The following CHD6 variants were observed in gnomAD, a reference collection of about 807,000 sequenced individuals.
The protein encoded by CHD6 is chromodomain helicase DNA binding protein 6.
CHD6 carries 50 observed loss-of-function variants against 276.9 expected under a neutral mutation model. That is an observed-to-expected ratio of 0.18 (90% CI 0.14 to 0.23). CHD6 has a LOEUF of 0.23. Ranked by LOEUF, CHD6 falls within the 10% of genes least tolerant of loss-of-function variation. The pLI, the probability that CHD6 is intolerant of heterozygous loss-of-function variation, is 1.00. For synonymous variants in CHD6, 1,173 were observed against 1,229.3 expected (o/e 0.95, Z 0.96); for missense variants, 2,564 against 3,365.8 (o/e 0.76, Z 5.89).
chr20:41,465,745 A>C (rs1455532472), intron 17 of CHD6, among the ~76,000 whole-genome samples: 1 of 152,200 alleles, frequency 6.6e-6, no homozygotes, highest in Non-Finnish European at 1.5e-5. Flanking sequence ...AATTCTACAT[A>C]ATTTTTGCAA....
rs749572987 is a variant in CHD6 at position 41,413,408 on chromosome 20, G to T, written c.7047C>A (p.Ala2349=). 1.9e-6 allele frequency: 3 copies of T among 1,612,014 alleles called. No individual in the cohort carries two copies. Among genetic ancestry groups the T allele is most frequent in the Non-Finnish European group, 2.5e-6 (3 of 1,179,960 alleles). The change falls in exon 35 of 37, where the codon GCC becomes GCA. Residue 2349 remains alanine (A), a synonymous_variant. Coordinates refer to ENST00000373233, the MANE Select transcript of CHD6 (RefSeq NM_032221.5). ...GACTCTTGCTGGGAATGGATTTCTCGGCTTGGCTGCTGGCTGCCGTAGCTG... is the reference window on the plus strand; with the variant it reads ...GACTCTTGCTGGGAATGGATTTCTCTGCTTGGCTGCTGGCTGCCGTAGCTG... ...PEPATAASSQ[A]EKSIPSKSLL...
Position 41,452,202 on chromosome 20 carries a change from G to C in CHD6, c.3324-177C>G, listed in dbSNP as rs559479620. Among the ~76,000 whole-genome samples the C allele has an allele frequency of 6.6e-6, 1 of 152,194 alleles. No homozygotes were observed. Among genetic ancestry groups the C allele is most frequent in the Non-Finnish European group, 1.5e-5 (1 of 68,026 alleles). Reference sequence around the variant, plus strand: ...GAGGACCACCTGACTGTAGCACACCGAATATCACTAAAGTGACCTGGACGT... The same window carrying C: ...GAGGACCACCTGACTGTAGCACACCCAATATCACTAAAGTGACCTGGACGT... On this transcript the variant is annotated intron_variant, in intron 21 of 36. Transcript: ENST00000373233. This position sits in a 1 kb window ranked among gnomAD's most constrained non-coding sequence, Gnocchi z 4.2.
At chr20:41,496,632 CGTCA>C (rs1298730970) in intron 8 of CHD6, among the ~76,000 whole-genome samples, 2 of 152,176 alleles carry the variant, frequency 1.3e-5, no homozygotes, top group Non-Finnish European at 2.9e-5. Flanking sequence ...TTGAACTACT[CGTCA>C]GTATTATTCC....
intron 5 of CHD6, 25 bp from the exon 6 acceptor site, chr20:41,499,382 G>T (rs546649612): frequency 1.3e-6 from 2 of 1,506,522 alleles, no homozygotes; most frequent in East Asian, 2.4e-5. Context: ...AAAAAAAAAA[G>T]AAAATTGCTG....
Position 41,447,891 on chromosome 20 carries a change from G to A in CHD6, c.3764C>T (p.Ser1255Phe), listed in dbSNP as rs1378536984. 1 of 1,607,298 alleles carries A rather than the reference G, an allele frequency of 6.2e-7. No individual in the cohort carries two copies. Among genetic ancestry groups the A allele is most frequent in the Admixed American group, 1.7e-5 (1 of 59,254 alleles). The change falls in exon 24 of 37, where the codon TCT becomes TTT. Residue 1255 changes from serine to phenylalanine, a missense_variant. Physicochemically the swap from Ser to Phe is radical, Grantham distance 155 (BLOSUM62 -2). Transcript: ENST00000373233. ...GEAAEKAFEG[S>F]PARELDVPLP... ...GTTTCATTTGCTTTACCTGGCAGGA[G>A]ATCCTTCAAATGCTTTCTCAGCTGC...
chr20:41,606,932 C>A (rs886489715), intron 1 of CHD6, among the ~76,000 whole-genome samples: 4 of 152,308 alleles, frequency 2.6e-5, no homozygotes, highest in African/African-American at 4.8e-5. Context: ...ACTCAACCAA[C>A]CTCTGCTGCT....
At chr20:41,466,668 T>C (rs2042927271) in intron 17 of CHD6, among the ~76,000 whole-genome samples, 1 of 152,152 alleles carries the variant, frequency 6.6e-6, no homozygotes, top group South Asian at 2.1e-4. Flanking sequence ...TTCTGGCTCA[T>C]ATGGTGTTGA....
intron 25 of CHD6, among the ~76,000 whole-genome samples, chr20:41,444,817 T>C (rs544808785): frequency 1.2e-4 from 18 of 152,288 alleles, no homozygotes; most frequent in African/African-American, 3.4e-4. Context: ...ACCTCCTCCA[T>C]TGTATAAGTG....
At chr20:41,577,416 G>A (rs1308136736) in intron 1 of CHD6, among the ~76,000 whole-genome samples, 1 of 152,192 alleles carries the variant, frequency 6.6e-6, no homozygotes, top group Non-Finnish European at 1.5e-5. Flanking sequence ...ACCTCAAGCT[G>A]TCTGCTACGT....
At chr20:41,511,480 T>C (rs1487848599) in intron 5 of CHD6, among the ~76,000 whole-genome samples, 4 of 152,240 alleles carry the variant, frequency 2.6e-5, no homozygotes, top group Non-Finnish European at 4.4e-5. Flanking sequence ...GCTAATACTA[T>C]CATCTTCTTC....
chr20:41,417,443 T>A, intron 31 of CHD6, 94 bp from the exon 32 acceptor site: 1 of 1,115,692 alleles, frequency 9.0e-7, no homozygotes, highest in Non-Finnish European at 1.3e-6. Context: ...TCCTTTTGCT[T>A]TTTAAATTAG....
chr20:41,521,764 G>A (rs934048226), intron 3 of CHD6, among the ~76,000 whole-genome samples: 5 of 152,114 alleles, frequency 3.3e-5, no homozygotes, highest in Admixed American at 1.3e-4. Context: ...GAAGACAGAC[G>A]ATGAGCCCGA....
At chr20:41,542,984 A>C (rs1365211539) in intron 2 of CHD6, among the ~76,000 whole-genome samples, 1 of 149,492 alleles carries the variant, frequency 6.7e-6, no homozygotes, top group East Asian at 2.0e-4. Flanking sequence ...TGTGCCTGTA[A>C]TCCCAGCTAC....
chr20:41,553,389 C>T (rs1268319791), intron 1 of CHD6, among the ~76,000 whole-genome samples: 3 of 152,198 alleles, frequency 2.0e-5, no homozygotes, highest in Non-Finnish European at 2.9e-5. Context: ...AGGCCCTGTC[C>T]TAAGTAACTG....
intron 36 of CHD6, 85 bp from the exon 37 acceptor site, chr20:41,405,574 G>T: frequency 1.9e-6 from 2 of 1,065,628 alleles, no homozygotes; most frequent in Non-Finnish European, 2.7e-6. Flanking sequence ...CTCTGCACTG[G>T]CCTGGCCTGT....
At chr20:41,550,713 C>A (rs1207096043) in intron 2 of CHD6, among the ~76,000 whole-genome samples, 1 of 152,214 alleles carries the variant, frequency 6.6e-6, no homozygotes, top group Non-Finnish European at 1.5e-5. Context: ...TCTGACCTCC[C>A]TGAGTGAGGT....
In CHD6 at chr20:41,533,475, A is replaced by G. The variant is rs1297427345; in HGVS notation, c.129T>C (p.Asp43=). The G allele has an allele frequency of 2.5e-6, 4 of 1,614,092 alleles. No individual in the cohort carries two copies. The highest frequency in any genetic ancestry group is 3.4e-6 in the Non-Finnish European group (4 of 1,180,002). Residue 43 remains aspartate (D), a synonymous_variant, in exon 3 of 37, where the codon GAT becomes GAC. Coordinates refer to ENST00000373233, the MANE Select transcript of CHD6 (RefSeq NM_032221.5). ...CAACATCTTCAATTTTCTCTTCTTG[A>G]TCAGTGCTGCAGTCAAATGGGGATG... ...KSPSPFDCST[D]QEEKIEDVAS...
Position 41,489,742 on chromosome 20 carries a change from G to C in CHD6, c.1680+36C>G, listed in dbSNP as rs746118955. 8.1e-6 allele frequency: 13 copies of C among 1,612,270 alleles called. 1 individual carries two copies. In the Middle Eastern group the frequency reaches 8.3e-4, roughly 103 times the overall value. ...GACAGAAAGGCTGTTCTGAGCTTAGGCAGTCCCTGGGTCTCTGATCTCACG... is the reference window on the plus strand; with the variant it reads ...GACAGAAAGGCTGTTCTGAGCTTAGCCAGTCCCTGGGTCTCTGATCTCACG... On this transcript the variant is annotated intron_variant, in intron 12 of 36. Transcript: ENST00000373233.
At chr20:41,483,630 G>C (rs1217515230) in intron 15 of CHD6, 111 bp from the exon 16 acceptor site, 2 of 766,220 alleles carry the variant, frequency 2.6e-6, no homozygotes, top group Non-Finnish European at 4.1e-6. Flanking sequence ...TCCTAGACCA[G>C]CAGTCCAGTG....
Sources: allele counts gnomAD v4.1 joint callset (sites outside exome capture counted in the v4.1 genomes callset), GRCh38; gene constraint gnomAD v4.1.1; non-coding constraint Gnocchi (gnomAD v3.1); transcripts MANE v1.5; gene names NCBI Gene and HGNC (gene_info 2026-07-23, HGNC 2026-07-21).